Variants in TAFA5 observed in about 807,000 individuals in gnomAD.
TAFA5 encodes TAFA chemokine like family member 5, also known as chemokine-like protein TAFA-5.
A neutral mutation model predicts 15.3 loss-of-function variants in TAFA5; 6 were observed. The ratio of observed to expected loss-of-function variants is 0.39; its 90% CI spans 0.21 to 0.77. The LOEUF (loss-of-function observed/expected upper bound fraction) is 0.77. Ranked by LOEUF, TAFA5 falls within the 30% of genes least tolerant of loss-of-function variation. The pLI, the probability that TAFA5 is intolerant of heterozygous loss-of-function variation, is 0.41. For missense variants in TAFA5, 161 were observed against 193.1 expected (o/e 0.83, Z 0.98); for synonymous variants, 103 against 80.7 (o/e 1.28, Z -1.48).
chr22:48,652,206 G>A (rs945756490), intron 2 of TAFA5, among the ~76,000 whole-genome samples: 1 of 152,252 alleles, frequency 6.6e-6, no homozygotes, highest in Admixed American at 6.5e-5. Context: ...CAGGAGCGAC[G>A]TGAATCACCT....
At chr22:48,539,465 A>C in intron 1 of TAFA5, 1 of 471,210 alleles carries the variant, frequency 2.1e-6, no homozygotes. Context: ...TGAAACAAAG[A>C]CAATTATTGT....
intron 2 of TAFA5, among the ~76,000 whole-genome samples, chr22:48,666,089 A>G (rs1294503623): frequency 1.3e-5 from 2 of 152,174 alleles, no homozygotes; most frequent in Non-Finnish European, 1.5e-5. Context: ...GACTGGCAGA[A>G]GAGGGGCCTG....
chr22:48,613,400 C>T (rs566237484), intron 1 of TAFA5, among the ~76,000 whole-genome samples: 1 of 152,316 alleles, frequency 6.6e-6, no homozygotes, highest in Non-Finnish European at 1.5e-5. Flanking sequence ...ATCCAGCCCA[C>T]TGTGGATGCC....
chr22:48,518,126 A>T (rs1382822690), intron 1 of TAFA5, among the ~76,000 whole-genome samples: 1 of 152,144 alleles, frequency 6.6e-6, no homozygotes, highest in Non-Finnish European at 1.5e-5. Context: ...GGCTCCTCTC[A>T]CATTGTCAGG....
chr22:48,561,296 G>T (rs1013452954), intron 1 of TAFA5, among the ~76,000 whole-genome samples: 2 of 152,116 alleles, frequency 1.3e-5, no homozygotes, highest in Non-Finnish European at 2.9e-5. Flanking sequence ...TCTCCCGTCC[G>T]CAGGGATAGC....
chr22:48,622,761 G>C (rs375813327), intron 1 of TAFA5, among the ~76,000 whole-genome samples: 1 of 152,250 alleles, frequency 6.6e-6, no homozygotes, highest in African/African-American at 2.4e-5. Context: ...GGCTCAGCTT[G>C]TGTGGCCGCC....
Position 48,701,041 on chromosome 22 carries a change from C to G in TAFA5, c.263-6676C>G, listed in dbSNP as rs118039138. Among the ~76,000 whole-genome samples, 688 of 152,230 alleles carry G rather than the reference C, an allele frequency of 4.5e-3. 12 individuals carry two copies. The East Asian group carries it at 0.051, about 11-fold the overall frequency. ...CCTCTGGCTGTTACTAGAAGCACTGCCAGCTGTGGAGAGGCCCGCAGCCCT... is the reference window on the plus strand; with the variant it reads ...CCTCTGGCTGTTACTAGAAGCACTGGCAGCTGTGGAGAGGCCCGCAGCCCT... On this transcript the variant is annotated intron_variant, in intron 2 of 3. Coordinates refer to ENST00000402357, the MANE Select transcript of TAFA5 (RefSeq NM_001082967.3).
chr22:48,689,350 C>T (rs1303631620), intron 2 of TAFA5, among the ~76,000 whole-genome samples: 1 of 152,112 alleles, frequency 6.6e-6, no homozygotes, highest in African/African-American at 2.4e-5. Context: ...GGGTCCACAT[C>T]TGGAGCACCC....
chr22:48,635,131 G>A (rs778459237), intron 1 of TAFA5, among the ~76,000 whole-genome samples: 27 of 152,314 alleles, frequency 1.8e-4, no homozygotes, highest in Middle Eastern at 3.4e-3. Context: ...CCTTGTTCCC[G>A]TTGTGGCCTG....
At chr22:48,719,076 T>C (rs1027964278) in intron 3 of TAFA5, among the ~76,000 whole-genome samples, 3 of 152,224 alleles carry the variant, frequency 2.0e-5, no homozygotes, top group African/African-American at 7.2e-5. Context: ...TAATCCATTT[T>C]ATGGGCCCAG....
At chr22:48,723,715 G>A (rs1185602826) in intron 3 of TAFA5, among the ~76,000 whole-genome samples, 1 of 152,234 alleles carries the variant, frequency 6.6e-6, no homozygotes, top group African/African-American at 2.4e-5. Context: ...CTTATCTGTA[G>A]AAGGGGGTAA....
rs141284569 is a variant in TAFA5 at position 48,751,134 on chromosome 22, A to G, written c.*1287A>G. On this transcript the variant is annotated 3_prime_UTR_variant, in exon 4 of 4. Coordinates refer to ENST00000402357, the MANE Select transcript of TAFA5 (RefSeq NM_001082967.3). ...TCCTGATTCCCTCTCTGGTCCCTGT[A>G]TTGGTCAACACTTGAGCGTACAATA... 2 of 152,412 alleles carry G rather than the reference A, an allele frequency of 1.3e-5. No homozygotes were observed. The highest frequency in any genetic ancestry group is 4.8e-5 in the African/African-American group (2 of 41,594). The allele number at this position is 152,412 out of a possible 1,614,324, so 9.4% of individuals were successfully genotyped here.
At chr22:48,508,714 G>A (rs1601840117) in intron 1 of TAFA5, among the ~76,000 whole-genome samples, 2 of 152,252 alleles carry the variant, frequency 1.3e-5, no homozygotes, top group South Asian at 2.1e-4. Flanking sequence ...CATATTTATA[G>A]GTGCAGTGTG....
intron 1 of TAFA5, among the ~76,000 whole-genome samples, chr22:48,628,939 G>C (rs1230120923): frequency 6.6e-6 from 1 of 152,152 alleles, no homozygotes; most frequent in Admixed American, 6.5e-5. Context: ...CGTGCAGTGT[G>C]ACCAAGAAGT....
At chr22:48,652,247 G>A (rs555602842) in intron 2 of TAFA5, among the ~76,000 whole-genome samples, 23 of 152,310 alleles carry the variant, frequency 1.5e-4, no homozygotes, top group African/African-American at 4.8e-4. Flanking sequence ...CTGGGAGTGC[G>A]CCAAGGTCCC....
intron 1 of TAFA5, among the ~76,000 whole-genome samples, chr22:48,504,871 G>A (rs1024692653): frequency 6.6e-6 from 1 of 152,202 alleles, no homozygotes; most frequent in African/African-American, 2.4e-5. Context: ...CAGAGGGGCT[G>A]CAGGGTCCAG....
chr22:48,714,183 G>A (rs1367540316), intron 3 of TAFA5, among the ~76,000 whole-genome samples: 2 of 152,244 alleles, frequency 1.3e-5, no homozygotes, highest in African/African-American at 4.8e-5. Flanking sequence ...CAGGGTCCCA[G>A]TTAAAGAGGA....
At chr22:48,704,225 A>T (rs1929009000) in intron 2 of TAFA5, among the ~76,000 whole-genome samples, 1 of 150,486 alleles carries the variant, frequency 6.6e-6, no homozygotes, top group Non-Finnish European at 1.5e-5. Context: ...CACACACACG[A>T]TGCTTTCTGT....
rs527945968 is a variant in TAFA5, at chr22:48,509,907, C to T, written c.112+20203C>T. On this transcript the variant is annotated intron_variant, in intron 1 of 3. Coordinates refer to ENST00000402357, the MANE Select transcript of TAFA5 (RefSeq NM_001082967.3). Reference sequence around the variant, plus strand: ...CGGAGCTTGCAGTGAGCTGAGATCACGCCACTGCACTCCAGCCTGGGTGAC... The same window carrying T: ...CGGAGCTTGCAGTGAGCTGAGATCATGCCACTGCACTCCAGCCTGGGTGAC... Among the ~76,000 whole-genome samples the T allele has an allele frequency of 3.1e-4, 46 of 148,392 alleles. 1 individual carries two copies. In the South Asian group the frequency reaches 8.5e-3, roughly 27 times the overall value.
Sources: allele counts gnomAD v4.1 joint callset (sites outside exome capture counted in the v4.1 genomes callset), GRCh38; gene constraint gnomAD v4.1.1; transcripts MANE v1.5; gene names NCBI Gene and HGNC (gene_info 2026-07-23, HGNC 2026-07-21).